The following TP53BP1 variants were observed in gnomAD, a reference collection of about 807,000 sequenced individuals.
TP53BP1 encodes TP53-binding protein 1.
Under a neutral mutation model 200.8 loss-of-function variants are expected in TP53BP1, and 61 were observed. The observed-to-expected ratio is 0.30, with a 90% CI of 0.25 to 0.38. TP53BP1 has a LOEUF of 0.38. Ranked by LOEUF, TP53BP1 falls within the 10% of genes least tolerant of loss-of-function variation. The probability of loss-of-function intolerance (pLI) is 1.00; values close to 1 mark genes in which losing one functional copy is unlikely to be tolerated. For missense variants in TP53BP1, 2,144 were observed against 2,371.9 expected (o/e 0.90, Z 2.00); for synonymous variants, 822 against 844.3 (o/e 0.97, Z 0.46).
In TP53BP1 at chr15:43,405,677, T is replaced by G. The variant is rs1250828340; in HGVS notation, c.*1706A>C. 6.2e-6 allele frequency: 1 copy of G among 161,282 alleles called. No individual in the cohort carries two copies. The highest frequency in any genetic ancestry group is 2.4e-5 in the African/African-American group (1 of 41,588). The allele number at this position is 161,282 out of a possible 1,614,324, so 10.0% of individuals were successfully genotyped here. On this transcript the variant is annotated 3_prime_UTR_variant, in exon 28 of 28. Coordinates refer to ENST00000382044, the MANE Select transcript of TP53BP1 (RefSeq NM_001141980.3). ...AAAGCAACAGGTAAGATAGGCTTTC[T>G]CTCTCCCTATACCAAGTAATTTATA...
rs527924887 is a variant in TP53BP1, at chr15:43,426,281, A to C, written c.3828+1735T>G. On this transcript the variant is annotated intron_variant, in intron 18 of 27. Transcript: ENST00000382044. ...ATGGTGAAATCCCATCTCTACTACAAACACAAAAATTAGCTGGGCATGGTG... is the reference window on the plus strand; with the variant it reads ...ATGGTGAAATCCCATCTCTACTACACACACAAAAATTAGCTGGGCATGGTG... 1.7e-4 allele frequency among the ~76,000 whole-genome samples: 26 copies of C among 151,348 alleles called. 1 individual carries two copies. Among genetic ancestry groups the C allele is most frequent in the Admixed American group, 5.9e-4 (9 of 15,228 alleles).
intron 7 of TP53BP1, 87 bp downstream of exon 7, chr15:43,479,310 T>C: frequency 1.5e-6 from 2 of 1,358,022 alleles, no homozygotes; most frequent in African/African-American, 1.5e-5. Flanking sequence ...AAATCAACAA[T>C]TTCTAAAAAT....
chr15:43,433,117 A>T (rs1595548481), intron 16 of TP53BP1, among the ~76,000 whole-genome samples: 2 of 152,208 alleles, frequency 1.3e-5, no homozygotes, highest in African/African-American at 4.8e-5. Flanking sequence ...TCCTTAACTG[A>T]TTCCTAGCAT....
In TP53BP1 at chr15:43,474,682, C is replaced by T. The variant is rs1273512818; in HGVS notation, c.1171G>A (p.Gly391Arg). Reference sequence around the variant, plus strand: ...GATCAAGAGAGCTCACCTTGTCTCCCTTCTTGCTCTGTGGGACTGCTAGGA... The same window carrying T: ...GATCAAGAGAGCTCACCTTGTCTCCTTTCTTGCTCTGTGGGACTGCTAGGA... ...IVPSSPTEQE[G>R]RQDKPMDTSV... The change falls in exon 10 of 28, where the codon GGG becomes AGG. Residue 391 changes from glycine (G) to arginine (R), a missense_variant. Around this residue, in one of 4 missense-constraint regions of TP53BP1, gnomAD observed 1,700 missense variants for 1,710.3 expected, o/e 0.99. Transcript: ENST00000382044. The T allele has an allele frequency of 5.0e-6, 8 of 1,609,792 alleles. No homozygotes were observed. The highest frequency in any genetic ancestry group is 6.8e-6 in the Non-Finnish European group (8 of 1,176,264).
chr15:43,451,646 C>T (rs1022346664), intron 12 of TP53BP1, among the ~76,000 whole-genome samples: 2 of 152,132 alleles, frequency 1.3e-5, no homozygotes, highest in African/African-American at 4.8e-5. Context: ...AATAAACATA[C>T]GTCTGCATGT....
rs749844642 is a variant in TP53BP1, at chr15:43,456,291, C to T, written c.2317G>A (p.Val773Ile). 3.7e-6 allele frequency: 6 copies of T among 1,614,172 alleles called. No individual in the cohort carries two copies. Among genetic ancestry groups the T allele is most frequent in the Non-Finnish European group, 5.1e-6 (6 of 1,180,048 alleles). ...TCCAAAGGTTCACAAGAAACATCAA[C>T]TCTGGGAGATGGCTCTTTCACATCT... The part of the protein sequence containing the change: ...IVDVKEPSPR[V>I]DVSCEPLEGV... Residue 773 changes from valine (V) to isoleucine (I), a missense_variant, in exon 12 of 28, where the codon GTT (valine) becomes ATT (isoleucine). Physicochemically the swap from Val to Ile is conservative, Grantham distance 29 (BLOSUM62 3). This residue lies in a region of TP53BP1 where 1,700 missense variants were observed against 1,710.3 expected (regional missense o/e 0.99). Transcript: ENST00000382044.
At chr15:43,440,026 C>G (rs989110446) in intron 15 of TP53BP1, among the ~76,000 whole-genome samples, 2 of 152,190 alleles carry the variant, frequency 1.3e-5, no homozygotes, top group African/African-American at 4.8e-5. Context: ...GAACTAATCT[C>G]TCTAAGACAT....
intron 16 of TP53BP1, among the ~76,000 whole-genome samples, chr15:43,436,019 T>C (rs1228070581): frequency 6.6e-6 from 1 of 151,042 alleles, no homozygotes; most frequent in African/African-American, 2.4e-5. Flanking sequence ...TTAGACAGAG[T>C]CTGGCTTTGT....
intron 4 of TP53BP1, among the ~76,000 whole-genome samples, chr15:43,485,942 C>G (rs1437427107): frequency 6.6e-6 from 1 of 152,104 alleles, no homozygotes; most frequent in Non-Finnish European, 1.5e-5. Flanking sequence ...AAAAACAGTA[C>G]TTTAGTTAAA....
chr15:43,466,405 A>G (rs1277925673), intron 11 of TP53BP1, among the ~76,000 whole-genome samples: 2 of 152,250 alleles, frequency 1.3e-5, no homozygotes, highest in Non-Finnish European at 2.9e-5. Flanking sequence ...AAATAAAAAA[A>G]GACAATTACA....
intron 11 of TP53BP1, among the ~76,000 whole-genome samples, chr15:43,462,764 T>C (rs2046469953): frequency 6.6e-6 from 1 of 152,148 alleles, no homozygotes; most frequent in South Asian, 2.1e-4. Context: ...CATTTTAAAC[T>C]AAACAATTCA....
chr15:43,421,984 G>C lies in TP53BP1; in HGVS notation c.3971C>G (p.Thr1324Arg). 2 of 1,614,208 alleles carry C rather than the reference G, an allele frequency of 1.2e-6. No homozygotes were observed. Among genetic ancestry groups the C allele is most frequent in the South Asian group, 1.1e-5 (1 of 91,088 alleles). The part of the protein sequence containing the change: ...ASSLHRTSSG[T>R]SLSAMHSSGS... ...ACTGCTGTGCATAGCTGAGAGACTT[G>C]TCCCACTTGATGTGCGGTGTAAGCT... Residue 1324 changes from threonine to arginine, a missense_variant, in exon 19 of 28, where the codon ACA (threonine) becomes AGA (arginine). This residue lies in a region of TP53BP1 where 1,700 missense variants were observed against 1,710.3 expected (regional missense o/e 0.99). Transcript: ENST00000382044.
intron 1 of TP53BP1, among the ~76,000 whole-genome samples, chr15:43,502,582 G>A (rs549570281): frequency 5.4e-4 from 81 of 150,884 alleles, no homozygotes; most frequent in African/African-American, 1.9e-3. Flanking sequence ...AGCCTCCTGA[G>A]CAGCTGGGAC....
chr15:43,408,017 T>A lies in TP53BP1; in HGVS notation c.5672A>T (p.Glu1891Val). 1 of 1,614,076 alleles carries A rather than the reference T, an allele frequency of 6.2e-7. No individual in the cohort carries two copies. The highest frequency in any genetic ancestry group is 8.5e-7 in the Non-Finnish European group (1 of 1,179,996). ...AGTCATGAGGATCTCAGACCAGAGC[T>A]CCAGGAAGTTCTGCTGTTGGTCTGA... ...LVSDQQQNFL[E>V]LWSEILMTGG... is the part of the protein sequence containing the mutation. Residue 1891 changes from glutamate to valine, a missense_variant, in exon 27 of 28, where the codon GAG (glutamate) becomes GTG (valine). Physicochemically the swap from Glu to Val is moderately radical, Grantham distance 121. Around this residue, in one of 4 missense-constraint regions of TP53BP1, gnomAD observed 334 missense variants for 453.4 expected, o/e 0.74. Transcript: ENST00000382044.
At chr15:43,462,216 CAAAAAAAAAAAAAAAAAAA>C (rs779088744) in intron 11 of TP53BP1, among the ~76,000 whole-genome samples, 7 of 34,056 alleles carry the variant, frequency 2.1e-4, no homozygotes, top group South Asian at 3.3e-3. Flanking sequence ...GACTTCATCT[CAAAAAAAAAAAAAAAAAAA>C]AAAAAAAAAA....
At position 43,432,141 on chromosome 15, in the gene TP53BP1, A is replaced by G. The variant is rs1019399555; in HGVS notation, c.3675+53T>C. ...CATGCCACAACTTAAATTCTCTGAG[A>G]ATCCTGAAAGTTAAAAACAAGGCCT... On this transcript the variant is annotated intron_variant, in intron 17 of 27. Transcript: ENST00000382044. 3.6e-5 allele frequency: 56 copies of G among 1,559,214 alleles called. No homozygotes were observed. In the East Asian group the frequency reaches 1.3e-3, roughly 35 times the overall value.
Position 43,474,455 on chromosome 15 carries a change from C to CAAAAA in TP53BP1, c.1180+213_1180+217dup, listed in dbSNP as rs398043214. ...GCTGTCACCTCTCAATGGGGTTAGA[C>CAAAAA]AAAAAAAAAAAAAAAAAAAGGAAGG... is the stretch of plus-strand genomic sequence containing the variant. On this transcript the variant is annotated intron_variant, in intron 10 of 27. Transcript: ENST00000382044. Among the ~76,000 whole-genome samples the CAAAAA allele has an allele frequency of 3.4e-4, 27 of 79,110 alleles. 1 individual carries two copies. The highest frequency in any genetic ancestry group is 1.2e-3 in the East Asian group (4 of 3,212). 51.9% of individuals were successfully genotyped at this position (79,110 alleles called of 152,430 possible).
At chr15:43,484,004 T>C (rs1027010802) in intron 4 of TP53BP1, among the ~76,000 whole-genome samples, 1 of 152,186 alleles carries the variant, frequency 6.6e-6, no homozygotes, top group Non-Finnish European at 1.5e-5. Context: ...GCCTAGACTT[T>C]TCCCTCTGAG....
chr15:43,410,574 AAAGC>A lies in TP53BP1; in HGVS notation c.5306-837_5306-834del, dbSNP rs2045085190. 1.3e-5 allele frequency among the ~76,000 whole-genome samples: 2 copies of A among 152,160 alleles called. 1 individual carries two copies. The highest frequency in any genetic ancestry group is 2.9e-5 in the Non-Finnish European group (2 of 68,020). ...ACACATTAAAAAAAAAAAGAAAAGA[AAAGC>A]AAGACATTAGAGATTTTAGTTAATT... On this transcript the variant is annotated intron_variant, in intron 24 of 27. Transcript: ENST00000382044.
Sources: gnomAD v4.1 joint callset for allele counts (sites outside exome capture counted in the v4.1 genomes callset) on GRCh38, gnomAD v4.1.1 for gene constraint, gnomAD v4.1.1 regional missense constraint, MANE v1.5 for transcripts, NCBI Gene and HGNC (gene_info 2026-07-23, HGNC 2026-07-21) for gene names.